Variants in PLEKHG4B observed in about 807,000 individuals in gnomAD.
PLEKHG4B encodes the protein pleckstrin homology and RhoGEF domain containing G4B.
Under a neutral mutation model 121.3 loss-of-function variants are expected in PLEKHG4B, and 111 were observed. That is an observed-to-expected ratio of 0.92 (90% CI 0.78 to 1.07). The LOEUF (loss-of-function observed/expected upper bound fraction) is 1.07, where lower values mean the gene tolerates loss of function less well. PLEKHG4B is among the 50% of genes least tolerant of loss of function. PLEKHG4B has a pLI of 0.00. For synonymous variants in PLEKHG4B, 738 were observed against 725.0 expected (o/e 1.02, Z -0.29); for missense variants, 1,831 against 1,757.8 (o/e 1.04, Z -0.74).
Position 171,287 on chromosome 5 carries a change from A to G in PLEKHG4B, c.3893A>G (p.Lys1298Arg). 6.2e-7 allele frequency: 1 copy of G among 1,612,148 alleles called. No homozygotes were observed. The highest frequency in any genetic ancestry group is 8.5e-7 in the Non-Finnish European group (1 of 1,179,542). ...CTGCGGCCCGTGCAGCGTGTGGCCAAGTACGCGCTGCTACTCCAGGACCTG... is the reference window on the plus strand; with the variant it reads ...CTGCGGCCCGTGCAGCGTGTGGCCAGGTACGCGCTGCTACTCCAGGACCTG... The part of the protein sequence containing the change: ...YLLRPVQRVA[K>R]YALLLQDLLK... The change falls in exon 16 of 20, where the codon AAG becomes AGG. Residue 1298 changes from lysine (K) to arginine (R), a missense_variant. Coordinates refer to ENST00000637938, the MANE Select transcript of PLEKHG4B (RefSeq NM_052909.5).
intron 2 of PLEKHG4B, among the ~76,000 whole-genome samples, chr5:115,113 T>C (rs1734267723): frequency 6.6e-6 from 1 of 152,240 alleles, no homozygotes; most frequent in African/African-American, 2.4e-5. Flanking sequence ...TAAAAAGACT[T>C]GAAAGTCAAA....
rs1553992891 is a variant in PLEKHG4B, at chr5:183,995, A to AGATAGATAGATC, written c.*1683_*1684insCGATAGATAGAT. On this transcript the variant is annotated 3_prime_UTR_variant, in exon 20 of 20. Transcript: ENST00000637938. Reference sequence around the variant, plus strand: ...CAGATAGATAGATAGATAGATCGATAGATAGATAGATAGATAGATAGATAG... The same window carrying AGATAGATAGATC: ...CAGATAGATAGATAGATAGATCGATAGATAGATAGATCGATAGATAGATAGATAGATAGATAG... The AGATAGATAGATC allele has an allele frequency of 6.8e-5, 7 of 102,762 alleles. No homozygotes were observed. Among genetic ancestry groups the AGATAGATAGATC allele is most frequent in the Non-Finnish European group, 1.3e-4 (7 of 55,244 alleles). 6.4% of individuals were successfully genotyped at this position (102,762 alleles called of 1,614,324 possible).
Position 94,480 on chromosome 5 carries a change from G to A in PLEKHG4B, c.45+2204G>A, listed in dbSNP as rs60014731. 3.4e-3 allele frequency among the ~76,000 whole-genome samples: 385 copies of A among 114,896 alleles called. 2 individuals carry two copies. Among genetic ancestry groups the A allele is most frequent in the African/African-American group, 0.015 (368 of 24,088 alleles). The allele number at this position is 114,896 out of a possible 152,430, so 75.4% of individuals were successfully genotyped here. On this transcript the variant is annotated intron_variant, in intron 1 of 19. Coordinates refer to ENST00000637938, the MANE Select transcript of PLEKHG4B (RefSeq NM_052909.5). Reference sequence around the variant, plus strand: ...GGGTAGGCTGGGATGAGTGGGTGGCGGGGCTGGAGGGGGTTGAGAGGTGGC... The same window carrying A: ...GGGTAGGCTGGGATGAGTGGGTGGCAGGGCTGGAGGGGGTTGAGAGGTGGC...
intron 1 of PLEKHG4B, among the ~76,000 whole-genome samples, chr5:102,162 G>GTTGTGAGGTAAAT (rs1733839448): frequency 6.6e-6 from 1 of 151,898 alleles, no homozygotes; most frequent in African/African-American, 2.4e-5. Flanking sequence ...GGGAGAGACT[G>GTTGTGAGGTAAAT]CTGTGAGGTT....
At chr5:166,626 G>A (rs1362751719) in intron 13 of PLEKHG4B, among the ~76,000 whole-genome samples, 1 of 152,038 alleles carries the variant, frequency 6.6e-6, no homozygotes, top group Non-Finnish European at 1.5e-5. Context: ...ACACTCCCTC[G>A]CCTGCCACTC....
rs543661218 is a variant in PLEKHG4B, at chr5:182,823, G to A, written c.*500G>A. On this transcript the variant is annotated 3_prime_UTR_variant, in exon 20 of 20. Transcript: ENST00000637938. ...GGAGTTGGCAGGTCAGAGTGCCAGA[G>A]AGAGATGCCTGCATGGGGAAAGACT... 3.9e-4 allele frequency: 66 copies of A among 167,160 alleles called. No individual in the cohort carries two copies. Among genetic ancestry groups the A allele is most frequent in the African/African-American group, 1.5e-3 (62 of 41,942 alleles). 10.4% of individuals were successfully genotyped at this position (167,160 alleles called of 1,614,324 possible). A position where few individuals can be genotyped will look rare whatever the true frequency, so the allele number is the denominator to read the frequency against.
intron 2 of PLEKHG4B, among the ~76,000 whole-genome samples, chr5:123,019 A>G (rs1403472958): frequency 6.6e-6 from 1 of 152,234 alleles, no homozygotes; most frequent in Admixed American, 6.5e-5. Flanking sequence ...ATCGTTAAGA[A>G]TATCAAAAAC....
At chr5:99,170 G>GTATGTA (rs1733723038) in intron 1 of PLEKHG4B, among the ~76,000 whole-genome samples, 1 of 100,510 alleles carries the variant, frequency 9.9e-6, no homozygotes, top group Non-Finnish European at 1.9e-5. Context: ...AAAAAAAAGT[G>GTATGTA]TATATATATA....
At chr5:120,886 C>T (rs1475072197) in intron 2 of PLEKHG4B, among the ~76,000 whole-genome samples, 1 of 151,992 alleles carries the variant, frequency 6.6e-6, no homozygotes, top group Non-Finnish European at 1.5e-5. Flanking sequence ...ATTAAATAAC[C>T]TATAAGTAAT....
Position 159,196 on chromosome 5 carries a change from G to A in PLEKHG4B, c.2487+2285G>A, listed in dbSNP as rs1383651698. ...AGGTGCACTGAGAGCAGGTGTGCCT[G>A]AGGGTGGCCCAGGTGTGCCTGAGGG... On this transcript the variant is annotated intron_variant, in intron 11 of 19. Transcript: ENST00000637938. The surrounding 1 kb of genome is among the most constrained non-coding windows in gnomAD (Gnocchi z 5.5). Among the ~76,000 whole-genome samples the A allele has an allele frequency of 6.6e-6, 1 of 151,434 alleles. No individual in the cohort carries two copies. The highest frequency in any genetic ancestry group is 2.4e-5 in the African/African-American group (1 of 41,142).
rs781270036 is a variant in PLEKHG4B at position 171,150 on chromosome 5, G to A, written c.3819+18G>A. The A allele has an allele frequency of 1.6e-5, 25 of 1,608,508 alleles. No homozygotes were observed. The highest frequency in any genetic ancestry group is 4.5e-5 in the East Asian group (2 of 44,810). ...TCTTCAAGGTCATCCCCCTCGGCCC[G>A]CCCCCCACAGCCTGCCCGGCCCTCA... is the stretch of plus-strand genomic sequence containing the variant. On this transcript the variant is annotated intron_variant, in intron 15 of 19. Coordinates refer to ENST00000637938, the MANE Select transcript of PLEKHG4B (RefSeq NM_052909.5).
chr5:143,657 C>T (rs780793978), intron 5 of PLEKHG4B, among the ~76,000 whole-genome samples, 154 bp downstream of exon 5: 8 of 152,234 alleles, frequency 5.3e-5, no homozygotes, highest in Non-Finnish European at 1.2e-4. Flanking sequence ...CCATGTGCTT[C>T]CAGCCTTGAT....
chr5:173,342 C>A (rs1321269176), intron 17 of PLEKHG4B, among the ~76,000 whole-genome samples: 1 of 152,108 alleles, frequency 6.6e-6, no homozygotes, highest in African/African-American at 2.4e-5. Context: ...ATTTTGGATC[C>A]TGTGCAGAGG....
chr5:155,589 T>G, intron 9 of PLEKHG4B, 146 bp downstream of exon 9: 1 of 674,306 alleles, frequency 1.5e-6, no homozygotes, highest in Non-Finnish European at 2.6e-6. Flanking sequence ...AGATCCCTCT[T>G]AATTCAGAAA....
At chr5:97,536 G>A (rs1312373214) in intron 1 of PLEKHG4B, among the ~76,000 whole-genome samples, 2 of 152,132 alleles carry the variant, frequency 1.3e-5, no homozygotes, top group African/African-American at 2.4e-5. Context: ...TCATATCAAC[G>A]GAATCGCACA....
At chr5:126,688 C>G (rs1316960250) in intron 2 of PLEKHG4B, among the ~76,000 whole-genome samples, 2 of 152,124 alleles carry the variant, frequency 1.3e-5, no homozygotes, top group Non-Finnish European at 2.9e-5. Flanking sequence ...GTTGAAGCGG[C>G]ACTGTTTTCT....
In PLEKHG4B at chr5:130,452, C is replaced by T. The variant is rs376529013; in HGVS notation, c.244-9031C>T. 4.6e-5 allele frequency among the ~76,000 whole-genome samples: 7 copies of T among 152,304 alleles called. No homozygotes were observed. The South Asian group carries it at 1.2e-3, about 27-fold the overall frequency. The stretch of plus-strand genomic sequence containing the variant: ...AGAGGGAAGCTCATCCCTTAACGCC[C>T]CCCCATGCCCTGGGAGGTTACCTGT... On this transcript the variant is annotated intron_variant, in intron 2 of 19. Coordinates refer to ENST00000637938, the MANE Select transcript of PLEKHG4B (RefSeq NM_052909.5).
chr5:175,027 C>T (rs61079366), intron 18 of PLEKHG4B, among the ~76,000 whole-genome samples: 13,925 of 152,168 alleles, frequency 0.092, 762 homozygotes, highest in Non-Finnish European at 0.11. Flanking sequence ...GACAAGAAAG[C>T]TCTTGGATTG....
At chr5:160,219 C>T (rs1029919589) in intron 11 of PLEKHG4B, among the ~76,000 whole-genome samples, 5 of 152,248 alleles carry the variant, frequency 3.3e-5, no homozygotes, top group African/African-American at 9.6e-5. Context: ...AGCTCAGTCC[C>T]CGAGCCATGT....
Sources: allele counts gnomAD v4.1 joint callset (sites outside exome capture counted in the v4.1 genomes callset), GRCh38; gene constraint gnomAD v4.1.1; non-coding constraint Gnocchi (gnomAD v3.1); transcripts MANE v1.5; gene names NCBI Gene and HGNC (gene_info 2026-07-23, HGNC 2026-07-21).